FAM120B: variants seen among roughly 807,000 people sequenced by gnomAD.
The protein encoded by FAM120B is constitutive coactivator of peroxisome proliferator-activated receptor gamma.
FAM120B carries 83 observed loss-of-function variants against 96.3 expected under a neutral mutation model. That is an observed-to-expected ratio of 0.86 (90% CI 0.72 to 1.03). FAM120B has a LOEUF of 1.03. Ranked by LOEUF, FAM120B falls within the 50% of genes least tolerant of loss-of-function variation. The pLI is 0.00. For missense variants in FAM120B, 1,027 were observed against 1,121.2 expected (o/e 0.92, Z 1.20); for synonymous variants, 407 against 402.7 (o/e 1.01, Z -0.13).
chr6:170,356,280 G>A (rs1787949713), intron 5 of FAM120B, among the ~76,000 whole-genome samples: 1 of 152,124 alleles, frequency 6.6e-6, no homozygotes, highest in South Asian at 2.1e-4. Flanking sequence ...TGTCTTTAAA[G>A]GAGAGGTTTA....
chr6:170,404,347 T>G, intron 9 of FAM120B: 1 of 523,480 alleles, frequency 1.9e-6, no homozygotes, highest in Non-Finnish European at 3.4e-6. Flanking sequence ...TCCACGAACC[T>G]CTTAATTAAT....
intron 1 of FAM120B, among the ~76,000 whole-genome samples, chr6:170,312,347 T>C (rs986531036): frequency 6.6e-6 from 1 of 152,234 alleles, no homozygotes; most frequent in Admixed American, 6.5e-5. Flanking sequence ...AAAATTTATG[T>C]CTTTGTTTTA....
upstream of FAM120B, among the ~76,000 whole-genome samples, chr6:170,305,901 T>C (rs919782106): frequency 1.3e-5 from 2 of 151,982 alleles, no homozygotes; most frequent in Non-Finnish European, 2.9e-5. Flanking sequence ...AAGACTGAGA[T>C]TGTGGACTGC....
At chr6:170,391,297 G>A (rs1283882681) in intron 8 of FAM120B, 176 bp downstream of exon 8, 3 of 552,802 alleles carry the variant, frequency 5.4e-6, no homozygotes, top group Non-Finnish European at 9.9e-6. Flanking sequence ...CACTTTGGGA[G>A]GCCGAGGCAG....
At chr6:170,351,367 C>A (rs1420808599) in intron 5 of FAM120B, among the ~76,000 whole-genome samples, 2 of 152,178 alleles carry the variant, frequency 1.3e-5, no homozygotes. Flanking sequence ...AGTTGGAAAA[C>A]ATACTTTAGG....
At chr6:170,294,411 A>C (rs953008180), upstream of FAM120B, among the ~76,000 whole-genome samples, 8 of 152,020 alleles carry the variant, frequency 5.3e-5, no homozygotes, top group South Asian at 2.1e-4. The surrounding 1 kb of genome is among the most constrained non-coding windows in gnomAD (Gnocchi z 7.9). Context: ...GGGCAGCACA[A>C]CCCCACAGGC....
intron 4 of FAM120B, among the ~76,000 whole-genome samples, chr6:170,342,757 G>A (rs1044801875): frequency 5.3e-5 from 8 of 152,338 alleles, no homozygotes; most frequent in African/African-American, 1.4e-4. Context: ...AAGCTGATGC[G>A]TTTTAGAAGT....
chr6:170,353,960 C>T (rs896253381), intron 5 of FAM120B, among the ~76,000 whole-genome samples: 6 of 152,176 alleles, frequency 3.9e-5, no homozygotes, highest in African/African-American at 1.4e-4. Context: ...GCCTGAATAG[C>T]CAAGACAATC....
At chr6:170,348,029 T>G in intron 4 of FAM120B, 122 bp from the exon 5 acceptor site, 1 of 798,108 alleles carries the variant, frequency 1.3e-6, no homozygotes, top group Non-Finnish European at 1.9e-6. Context: ...ATGTTTACTT[T>G]CTAGTTCCTT....
intron 4 of FAM120B, among the ~76,000 whole-genome samples, chr6:170,335,895 A>T (rs1026821416): frequency 6.6e-6 from 1 of 151,916 alleles, no homozygotes; most frequent in Non-Finnish European, 1.5e-5. Context: ...CCACTTTTTG[A>T]TGGGGTTGTT....
chr6:170,344,536 T>A (rs912497679), intron 4 of FAM120B, among the ~76,000 whole-genome samples: 1 of 149,982 alleles, frequency 6.7e-6, no homozygotes, highest in Non-Finnish European at 1.5e-5. Context: ...AATCGTTCAG[T>A]CCATTCACCT....
intron 6 of FAM120B, among the ~76,000 whole-genome samples, chr6:170,369,214 A>G (rs1789017325): frequency 6.6e-6 from 1 of 151,554 alleles, no homozygotes. Flanking sequence ...CCTCACTTTT[A>G]TTCTCTCTTG....
intron 6 of FAM120B, among the ~76,000 whole-genome samples, chr6:170,380,475 T>G (rs1789838202): frequency 6.6e-6 from 1 of 152,230 alleles, no homozygotes; most frequent in African/African-American, 2.4e-5. Context: ...ACCAACAGTG[T>G]ACAAGGGTTC....
chr6:170,398,296 T>C (rs920717202), intron 9 of FAM120B, among the ~76,000 whole-genome samples: 1 of 152,268 alleles, frequency 6.6e-6, no homozygotes, highest in Admixed American at 6.5e-5. Context: ...ATTAGTAAAG[T>C]GTAACTCTTA....
At chr6:170,331,798 C>T (rs1280360255) in intron 4 of FAM120B, among the ~76,000 whole-genome samples, 1 of 152,186 alleles carries the variant, frequency 6.6e-6, no homozygotes, top group African/African-American at 2.4e-5. Flanking sequence ...GAGACTACTT[C>T]AGAGCTTGTG....
intron 1 of FAM120B, among the ~76,000 whole-genome samples, chr6:170,308,402 A>C (rs1784410556): frequency 6.6e-6 from 1 of 152,082 alleles, no homozygotes; most frequent in Admixed American, 6.5e-5. Context: ...CTAACCACCT[A>C]ATCTTCCAGA....
At position 170,315,660 on chromosome 6, in the gene FAM120B, A is replaced by G. The variant is rs370260661; in HGVS notation, c.-21-1710A>G. On this transcript the variant is annotated intron_variant, in intron 1 of 10. Transcript: ENST00000476287. ...GCAAGCCTTCTCTAAATGTCATCAT[A>G]AAATGTGTGCTATTTATGTTCACCC... Among the ~76,000 whole-genome samples the G allele has an allele frequency of 6.4e-4, 98 of 152,336 alleles. No individual in the cohort carries two copies. The East Asian group carries it at 8.5e-3, about 13-fold the overall frequency.
Position 170,306,855 on chromosome 6 carries a change from C to G in FAM120B, c.-22+13C>G, listed in dbSNP as rs1048068763. 1.3e-5 allele frequency: 2 copies of G among 152,312 alleles called. No individual in the cohort carries two copies. The highest frequency in any genetic ancestry group is 4.8e-5 in the African/African-American group (2 of 41,468). The allele number at this position is 152,312 out of a possible 1,614,324, so 9.4% of individuals were successfully genotyped here. A position where few individuals can be genotyped will look rare whatever the true frequency, so the allele number is the denominator to read the frequency against. On this transcript the variant is annotated intron_variant, in intron 1 of 10. Transcript: ENST00000476287. ...GGCGCATCTCTAGGTAGGGCCGGGC[C>G]CGAGGGCACCCGCGGGTCTTCCGGG...
At chr6:170,379,098 C>G (rs9460128) in intron 6 of FAM120B, among the ~76,000 whole-genome samples, 18,406 of 152,198 alleles carry the variant, frequency 0.12, 1,403 homozygotes, top group African/African-American at 0.21. Flanking sequence ...CCCAACTCAC[C>G]TTTTGGAAGG....
Sources: allele counts gnomAD v4.1 joint callset (sites outside exome capture counted in the v4.1 genomes callset), GRCh38; gene constraint gnomAD v4.1.1; non-coding constraint Gnocchi (gnomAD v3.1); transcripts MANE v1.5; gene names NCBI Gene and HGNC (gene_info 2026-07-23, HGNC 2026-07-21).